The following PDK1 variants were observed in gnomAD, a reference collection of about 807,000 sequenced individuals.
PDK1 encodes pyruvate dehydrogenase kinase 1.
A neutral mutation model predicts 54.2 loss-of-function variants in PDK1; 39 were observed. The observed-to-expected ratio is 0.72, with a 90% confidence interval of 0.56 to 0.94. The LOEUF (loss-of-function observed/expected upper bound fraction) is 0.94. PDK1 is among the 40% of genes least tolerant of loss of function. The pLI, the probability that PDK1 is intolerant of heterozygous loss-of-function variation, is 0.00. For missense variants in PDK1, 552 were observed against 566.0 expected, an observed-to-expected ratio of 0.98 and a Z score of 0.25; for synonymous variants, 221 against 207.1, an observed-to-expected ratio of 1.07 and a Z score of -0.58.
chr2:172,578,145 A>G (rs1358619442), intron 8 of PDK1, among the ~76,000 whole-genome samples: 1 of 152,190 alleles, frequency 6.6e-6, no homozygotes, highest in Non-Finnish European at 1.5e-5. Context: ...GGAATATGTT[A>G]TCTCACTGCC....
the PDK1 span, among the ~76,000 whole-genome samples, chr2:172,667,172 C>T: frequency 6.6e-6 from 1 of 152,260 alleles, no homozygotes; most frequent in East Asian, 1.9e-4. Flanking sequence ...ATTTTTAATA[C>T]TCACATATTC....
At chr2:172,651,138 T>A in the PDK1 span, among the ~76,000 whole-genome samples, 4 of 152,150 alleles carry the variant, frequency 2.6e-5, no homozygotes, top group Admixed American at 6.6e-5. Context: ...CAGACCACAG[T>A]GCAATCAAAC....
downstream of PDK1, among the ~76,000 whole-genome samples, chr2:172,612,198 A>G (rs774857776): frequency 6.6e-6 from 1 of 152,378 alleles, no homozygotes; most frequent in East Asian, 1.9e-4. Context: ...ACCGTTATAC[A>G]TTAACATTTG....
Position 172,558,739 on chromosome 2 carries a change from T to C in PDK1, c.228T>C (p.Phe76=). The change falls in exon 2 of 11, where the codon TTT becomes TTC. Residue 76 remains phenylalanine (F), a synonymous_variant. Transcript: ENST00000282077. The part of the protein sequence containing the change: ...GSVNACEKTS[F]MFLRQELPVR... ...TGAATGCTTGTGAAAAGACCTCATT[T>C]ATGTTTCTGCGGCAAGAGTTGCCTG... is the stretch of plus-strand genomic sequence containing the variant. The C allele has an allele frequency of 2.5e-6, 4 of 1,610,482 alleles. No homozygotes were observed. Among genetic ancestry groups the C allele is most frequent in the Non-Finnish European group, 3.4e-6 (4 of 1,178,950 alleles).
the PDK1 span, among the ~76,000 whole-genome samples, chr2:172,621,796 T>TATATGTTTATATCTCATATGTATG: frequency 1.8e-5 from 2 of 113,264 alleles, no homozygotes; most frequent in East Asian, 4.0e-4. Context: ...ATATGTATGA[T>TATATGTTTATATCTCATATGTATG]ATATGTTTAT....
the PDK1 span, among the ~76,000 whole-genome samples, chr2:172,711,350 C>T: frequency 6.6e-6 from 1 of 152,236 alleles, no homozygotes; most frequent in Non-Finnish European, 1.5e-5. Context: ...TCCACCCTCA[C>T]AGTTTACATT....
intron 10 of PDK1, among the ~76,000 whole-genome samples, chr2:172,593,692 A>G (rs761677575): frequency 2.0e-5 from 3 of 152,206 alleles, no homozygotes; most frequent in African/African-American, 4.8e-5. Flanking sequence ...AACAAGCACA[A>G]GTGACTCTTG....
Position 172,601,895 on chromosome 2 carries a change from A to G in PDK1, c.*5926A>G, listed in dbSNP as rs1691128521. On this transcript the variant is annotated 3_prime_UTR_variant, in exon 11 of 11. Transcript: ENST00000282077. Reference sequence around the variant, plus strand: ...ATAGAGATTTAAAATAATCATAAGAATACCATTAACTTTATGATAAAAATT... The same window carrying G: ...ATAGAGATTTAAAATAATCATAAGAGTACCATTAACTTTATGATAAAAATT... 1 of 152,194 alleles carries G rather than the reference A, an allele frequency of 6.6e-6. No individual in the cohort carries two copies. The highest frequency in any genetic ancestry group is 6.5e-5 in the Admixed American group (1 of 15,278). 9.4% of individuals were successfully genotyped at this position (152,194 alleles called of 1,614,324 possible). A position where few individuals can be genotyped will look rare whatever the true frequency, so the allele number is the denominator to read the frequency against.
chr2:172,700,424 G>A, the PDK1 span, among the ~76,000 whole-genome samples: 2 of 150,898 alleles, frequency 1.3e-5, no homozygotes, highest in Non-Finnish European at 3.0e-5. Context: ...AGGCAGAGGC[G>A]CTCCCCACAT....
the PDK1 span, among the ~76,000 whole-genome samples, chr2:172,685,294 T>C: frequency 1.3e-5 from 2 of 152,230 alleles, no homozygotes; most frequent in African/African-American, 4.8e-5. Context: ...CCTCTAGTCA[T>C]AGACCACAAT....
At chr2:172,615,204 A>T in the PDK1 span, among the ~76,000 whole-genome samples, 1 of 152,210 alleles carries the variant, frequency 6.6e-6, no homozygotes, top group Admixed American at 6.5e-5. Context: ...ATCTTGCATC[A>T]CTGCCAACGT....
At chr2:172,558,653 C>G (rs1558922815) in intron 1 of PDK1, 55 bp from the exon 2 acceptor site, 2 of 1,478,202 alleles carry the variant, frequency 1.4e-6, no homozygotes, top group Non-Finnish European at 1.8e-6. Flanking sequence ...AGCCTCTTGC[C>G]TTCTGTTTCC....
Position 172,595,950 on chromosome 2 carries a change from C to A in PDK1, c.1292C>A (p.Thr431Lys). 6.2e-7 allele frequency: 1 copy of A among 1,612,020 alleles called. No homozygotes were observed. The highest frequency in any genetic ancestry group is 1.7e-4 in the Middle Eastern group (1 of 6,058). The stretch of plus-strand genomic sequence containing the variant: ...CCCAGCAGAGAACCCAAAGACATGA[C>A]GACGTTCCGCAGTGCCTAGACACAC... ...CVPSREPKDM[T>K]TFRSA Residue 431 changes from threonine to lysine, a missense_variant, in exon 11 of 11, where the codon ACG (threonine) becomes AAG (lysine). By Grantham distance (78) the Thr-to-Lys change is moderately conservative. Transcript: ENST00000282077.
the PDK1 span, among the ~76,000 whole-genome samples, chr2:172,689,877 G>A: frequency 6.7e-6 from 1 of 150,370 alleles, no homozygotes; most frequent in South Asian, 2.1e-4. Flanking sequence ...TTAAATGTTA[G>A]ACCTAAAACC....
chr2:172,651,642 G>A, the PDK1 span, among the ~76,000 whole-genome samples: 88 of 152,182 alleles, frequency 5.8e-4, no homozygotes, highest in African/African-American at 1.9e-3. Flanking sequence ...GGATATCACC[G>A]CTGATCCCAC....
chr2:172,675,793 A>T, the PDK1 span, among the ~76,000 whole-genome samples: 1 of 152,216 alleles, frequency 6.6e-6, no homozygotes, highest in Non-Finnish European at 1.5e-5. Flanking sequence ...TTTAGAAAAA[A>T]CAGCCTTCTA....
At chr2:172,668,896 T>C in the PDK1 span, among the ~76,000 whole-genome samples, 32,383 of 73,038 alleles carry the variant, frequency 0.44, 3,901 homozygotes, top group Non-Finnish European at 0.49. Flanking sequence ...CACACACACA[T>C]ATATATATAT....
At chr2:172,666,483 T>A in the PDK1 span, among the ~76,000 whole-genome samples, 82 of 152,304 alleles carry the variant, frequency 5.4e-4, no homozygotes, top group African/African-American at 1.9e-3. Context: ...GGGAAGGGGT[T>A]CTTATCCCTG....
At chr2:172,572,749 G>A (rs941027203) in intron 8 of PDK1, among the ~76,000 whole-genome samples, 18 of 151,978 alleles carry the variant, frequency 1.2e-4, no homozygotes, top group African/African-American at 4.1e-4. Context: ...AGGAAAATAC[G>A]CAGTACCTAT....
Sources: gnomAD v4.1 joint callset for allele counts (sites outside exome capture counted in the v4.1 genomes callset) on GRCh38, gnomAD v4.1.1 for gene constraint, MANE v1.5 for transcripts, NCBI Gene and HGNC (gene_info 2026-07-23, HGNC 2026-07-21) for gene names.